ATP13A5: variants seen among roughly 807,000 people sequenced by gnomAD.
The protein encoded by ATP13A5 is ATPase 13A5.
In ATP13A5, 149 loss-of-function variants were observed where a neutral mutation model predicts 150.2. The ratio of observed to expected loss-of-function variants is 0.99; its 90% confidence interval spans 0.87 to 1.14. The LOEUF is 1.14. Among genes scored for constraint, ATP13A5 ranks in the 50% most tolerant of loss-of-function variants. The pLI is 0.00. For synonymous variants in ATP13A5, 497 were observed against 522.2 expected, an observed-to-expected ratio of 0.95 and a Z score of 0.66; for missense variants, 1,383 against 1,449.3, an observed-to-expected ratio of 0.95 and a Z score of 0.74.
At chr3:193,300,638 G>A (rs1288833549) in intron 24 of ATP13A5, among the ~76,000 whole-genome samples, 2 of 152,132 alleles carry the variant, frequency 1.3e-5, no homozygotes, top group African/African-American at 4.8e-5. Context: ...CTTATACATA[G>A]TTCTTCTGTA....
chr3:193,338,748 T>TA (rs1560140218), intron 9 of ATP13A5, among the ~76,000 whole-genome samples: 1 of 152,214 alleles, frequency 6.6e-6, no homozygotes, highest in Non-Finnish European at 1.5e-5. Context: ...GCTGGCCTCA[T>TA]AAAATGAGTT....
chr3:193,274,923 T>A lies in ATP13A5; in HGVS notation c.*119A>T. 7.2e-7 allele frequency: 1 copy of A among 1,395,682 alleles called. No individual in the cohort carries two copies. The highest frequency in any genetic ancestry group is 2.3e-5 in the East Asian group (1 of 43,686). The allele number at this position is 1,395,682 out of a possible 1,614,324, so 86.5% of individuals were successfully genotyped here. A position where few individuals can be genotyped will look rare whatever the true frequency, so the allele number is the denominator to read the frequency against. ...TGCAAGGTTTAATTCATTGAAAATA[T>A]ACTTTGAATGCTTGAATGGAGAGAG... On this transcript the variant is annotated 3_prime_UTR_variant, in exon 30 of 30. Transcript: ENST00000342358.
At chr3:193,348,219 C>T (rs1712423900) in intron 7 of ATP13A5, among the ~76,000 whole-genome samples, 1 of 152,136 alleles carries the variant, frequency 6.6e-6, no homozygotes, top group Non-Finnish European at 1.5e-5. Context: ...CATTAGGCCA[C>T]CTTTAGTTTC....
Position 193,331,259 on chromosome 3 carries a change from A to G in ATP13A5, c.1325T>C (p.Val442Ala). 6.2e-7 allele frequency: 1 copy of G among 1,613,994 alleles called. No homozygotes were observed. Among genetic ancestry groups the G allele is most frequent in the Non-Finnish European group, 8.5e-7 (1 of 1,179,938 alleles). Residue 442 changes from valine to alanine, a missense_variant, in exon 12 of 30, where the codon GTC becomes GCC. Val to Ala is a moderately conservative substitution (Grantham distance 64). Coordinates refer to ENST00000342358, the MANE Select transcript of ATP13A5 (RefSeq NM_198505.4). ...TMALILLTVT[V>A]PPVLPAALTI... ...CAGGGCAGCTGGCAGCACTGGAGGG[A>G]CAGTCACGGTGAGGAGGATCAGGGC...
chr3:193,291,203 A>C (rs1044001066), intron 25 of ATP13A5, among the ~76,000 whole-genome samples: 8 of 124,022 alleles, frequency 6.5e-5, no homozygotes, highest in Non-Finnish European at 1.5e-4. Flanking sequence ...GGCCCTTTCA[A>C]CTCTTTTATT....
intron 19 of ATP13A5, among the ~76,000 whole-genome samples, chr3:193,312,410 C>T (rs1041749842): frequency 6.6e-6 from 1 of 152,182 alleles, no homozygotes; most frequent in African/African-American, 2.4e-5. Flanking sequence ...AGCCTCTGAC[C>T]TTTGTTATGA....
At position 193,354,099 on chromosome 3, in the gene ATP13A5, C is replaced by CA. The variant is rs11300573; in HGVS notation, c.606+27dup. ...AGTAAGGGGCAGAAATCTATTTTTT[C>CA]AAAAAAAAAAGAAAAGAAAACAGTT... is the stretch of plus-strand genomic sequence containing the variant. On this transcript the variant is annotated intron_variant, in intron 6 of 29. Coordinates refer to ENST00000342358, the MANE Select transcript of ATP13A5 (RefSeq NM_198505.4). The CA allele has an allele frequency of 2.8e-3, 4,101 of 1,469,350 alleles. 1 individual carries two copies. The highest frequency in any genetic ancestry group is 3.3e-3 in the East Asian group (136 of 41,210). 91.0% of individuals were successfully genotyped at this position (1,469,350 alleles called of 1,614,324 possible). A position where few individuals can be genotyped will look rare whatever the true frequency, so the allele number is the denominator to read the frequency against.
intron 16 of ATP13A5, among the ~76,000 whole-genome samples, chr3:193,320,309 T>A (rs1416543122): frequency 1.3e-5 from 2 of 152,228 alleles, no homozygotes; most frequent in African/African-American, 2.4e-5. Context: ...GAGGTGGGAA[T>A]CTAATTTCAA....
chr3:193,298,605 G>A (rs1718267947), intron 25 of ATP13A5, among the ~76,000 whole-genome samples: 1 of 152,096 alleles, frequency 6.6e-6, no homozygotes, highest in Non-Finnish European at 1.5e-5. Flanking sequence ...CTTATTAAGA[G>A]TCAGCATCAA....
intron 14 of ATP13A5, among the ~76,000 whole-genome samples, chr3:193,322,837 A>G (rs1414048066): frequency 6.6e-6 from 1 of 152,250 alleles, no homozygotes; most frequent in African/African-American, 2.4e-5. Flanking sequence ...CTACAGGTCC[A>G]TGGATCTTTC....
chr3:193,278,867 G>T (rs1717348930), intron 28 of ATP13A5, among the ~76,000 whole-genome samples: 1 of 152,132 alleles, frequency 6.6e-6, no homozygotes, highest in African/African-American at 2.4e-5. Flanking sequence ...CGGGGTCCAA[G>T]AATTAGTTCA....
At chr3:193,357,058 C>G (rs1399963035) in intron 5 of ATP13A5, among the ~76,000 whole-genome samples, 1 of 152,190 alleles carries the variant, frequency 6.6e-6, no homozygotes, top group Non-Finnish European at 1.5e-5. Flanking sequence ...TCGTGATCCA[C>G]CTGACTCGGC....
At chr3:193,295,965 G>A (rs947029888) in intron 25 of ATP13A5, among the ~76,000 whole-genome samples, 1 of 152,126 alleles carries the variant, frequency 6.6e-6, no homozygotes, top group Non-Finnish European at 1.5e-5. Flanking sequence ...TTTTAAGAGA[G>A]GATATTGGCC....
chr3:193,356,736 T>C (rs1048987716), intron 5 of ATP13A5, among the ~76,000 whole-genome samples: 1 of 152,228 alleles, frequency 6.6e-6, no homozygotes, highest in Non-Finnish European at 1.5e-5. Context: ...AGCACTTACA[T>C]CATTAAAGTA....
chr3:193,349,652 G>C lies in ATP13A5; in HGVS notation c.741+1415C>G, dbSNP rs1712485858. Among the ~76,000 whole-genome samples, 3 of 152,046 alleles carry C rather than the reference G, an allele frequency of 2.0e-5. No individual in the cohort carries two copies. In the South Asian group the frequency reaches 6.2e-4, roughly 32 times the overall value. ...ACTATTAGACAACAAAAAGTGTCTAGTCTCACCAGCAATCAGGAAAATGTA... is the reference window on the plus strand; with the variant it reads ...ACTATTAGACAACAAAAAGTGTCTACTCTCACCAGCAATCAGGAAAATGTA... On this transcript the variant is annotated intron_variant, in intron 7 of 29. Transcript: ENST00000342358.
chr3:193,305,373 A>T (rs964230023), intron 23 of ATP13A5, among the ~76,000 whole-genome samples, 186 bp downstream of exon 23: 3 of 152,178 alleles, frequency 2.0e-5, no homozygotes, highest in African/African-American at 7.2e-5. Flanking sequence ...AGCAAAAGTC[A>T]CTTTTCTGTG....
chr3:193,316,417 C>T (rs1396679593), intron 17 of ATP13A5, among the ~76,000 whole-genome samples: 5 of 151,952 alleles, frequency 3.3e-5, no homozygotes, highest in Admixed American at 2.6e-4. Context: ...AAAGAACCTC[C>T]ACATTGTTTT....
At chr3:193,295,329 A>C (rs575808234) in intron 25 of ATP13A5, among the ~76,000 whole-genome samples, 1 of 152,068 alleles carries the variant, frequency 6.6e-6, no homozygotes, top group East Asian at 1.9e-4. Context: ...AAACTTATCC[A>C]ACTTTCCTAT....
chr3:193,330,432 A>G (rs950554201), intron 12 of ATP13A5, among the ~76,000 whole-genome samples: 3 of 152,264 alleles, frequency 2.0e-5, no homozygotes, highest in African/African-American at 7.2e-5. Context: ...TGAAGACAAA[A>G]GGGACCCAGC....
Sources: allele counts gnomAD v4.1 joint callset (sites outside exome capture counted in the v4.1 genomes callset), GRCh38; gene constraint gnomAD v4.1.1; transcripts MANE v1.5; gene names NCBI Gene and HGNC (gene_info 2026-07-23, HGNC 2026-07-21).